Variants in CPAP observed in about 807,000 individuals in gnomAD.
The protein encoded by CPAP is centrosomal P4.1-associated protein.
At chr13:24,931,895 T>G in the CPAP span, among the ~76,000 whole-genome samples, 1 of 152,188 alleles carries the variant, frequency 6.6e-6, no homozygotes, top group Admixed American at 6.5e-5. Flanking sequence ...AGCTTTGGAT[T>G]TATCCTCATT....
At chr13:24,884,257 C>A in the CPAP span, 144 of 1,614,020 alleles carry the variant, frequency 8.9e-5, no homozygotes, top group South Asian at 1.5e-3. Context: ...TGTAAAGACA[C>A]ACAGTCAGTC....
At chr13:24,899,574 C>A in the CPAP span, 5 of 1,613,212 alleles carry the variant, frequency 3.1e-6, no homozygotes, top group African/African-American at 1.3e-5. Context: ...TCGAAGTCTG[C>A]AATTTCTTTC....
the CPAP span, chr13:24,933,454 T>C: frequency 4.4e-5 from 10 of 224,796 alleles, no homozygotes; most frequent in South Asian, 3.6e-4. Flanking sequence ...AAAAAAGTCA[T>C]AGTGCACAGG....
the CPAP span, among the ~76,000 whole-genome samples, chr13:24,925,203 G>A: frequency 2.0e-5 from 3 of 152,056 alleles, no homozygotes; most frequent in Non-Finnish European, 4.4e-5. Flanking sequence ...TCTCTAACTC[G>A]TAGGCTCAAG....
the CPAP span, among the ~76,000 whole-genome samples, chr13:24,915,532 A>G: frequency 0.6 from 91,508 of 152,058 alleles, 28,537 homozygotes; most frequent in East Asian, 0.72. Context: ...GGCTGGGCGC[A>G]GTGGCTCACG....
the CPAP span, among the ~76,000 whole-genome samples, chr13:24,883,699 T>A: frequency 6.6e-6 from 1 of 152,208 alleles, no homozygotes; most frequent in South Asian, 2.1e-4. Flanking sequence ...TTGCTCTGTA[T>A]CAGGTGGGGA....
the CPAP span, chr13:24,886,327 G>C: frequency 9.3e-6 from 12 of 1,289,164 alleles, no homozygotes; most frequent in African/African-American, 9.1e-5. Context: ...TGAAGGAGGA[G>C]AGCGGAGGCA....
the CPAP span, chr13:24,909,669 G>A: frequency 1.1e-6 from 1 of 920,932 alleles, no homozygotes; most frequent in Non-Finnish European, 1.7e-6. Context: ...TCCAGCCTGA[G>A]CAACACGGCA....
chr13:24,890,521 CTT>C, the CPAP span, among the ~76,000 whole-genome samples: 1 of 152,222 alleles, frequency 6.6e-6, no homozygotes, highest in Non-Finnish European at 1.5e-5. Context: ...AGCAGGCACT[CTT>C]GTCACACACA....
At chr13:24,905,576 G>A in the CPAP span, 768 of 1,614,134 alleles carry the variant, frequency 4.8e-4, 4 homozygotes, top group East Asian at 0.014. Context: ...TGTCTGCGGC[G>A]TCCCATAAGT....
At chr13:24,931,896 T>C in the CPAP span, among the ~76,000 whole-genome samples, 3 of 152,224 alleles carry the variant, frequency 2.0e-5, no homozygotes, top group Admixed American at 1.3e-4. Context: ...GCTTTGGATT[T>C]ATCCTCATTG....
chr13:24,887,059 G>A, the CPAP span, among the ~76,000 whole-genome samples: 1 of 152,164 alleles, frequency 6.6e-6, no homozygotes, highest in Non-Finnish European at 1.5e-5. Context: ...GGAAGCTAGG[G>A]AATACACAGT....
chr13:24,913,874 CACTGTGTGATAG>C, the CPAP span, among the ~76,000 whole-genome samples: 2 of 152,214 alleles, frequency 1.3e-5, no homozygotes, highest in African/African-American at 2.4e-5. Flanking sequence ...TGTAACTTTG[CACTGTGTGATAG>C]ATATACTTAA....
chr13:24,898,481 C>T, the CPAP span, among the ~76,000 whole-genome samples: 8 of 152,206 alleles, frequency 5.3e-5, no homozygotes, highest in Admixed American at 5.2e-4. Flanking sequence ...AGGAATTTCA[C>T]CACCCATCTT....
chr13:24,911,793 G>A, the CPAP span, among the ~76,000 whole-genome samples: 3 of 151,432 alleles, frequency 2.0e-5, no homozygotes, highest in South Asian at 2.1e-4. Flanking sequence ...TGTTCCAGTT[G>A]TATTACAACT....
At chr13:24,933,139 T>C in the CPAP span, 1 of 1,554,622 alleles carries the variant, frequency 6.4e-7, no homozygotes, top group Non-Finnish European at 8.9e-7. Flanking sequence ...TCCTCAGGTA[T>C]TTCCAAATGT....
At chr13:24,885,417 A>T in the CPAP span, 1 of 1,476,440 alleles carries the variant, frequency 6.8e-7, no homozygotes, top group South Asian at 1.1e-5. Flanking sequence ...AAGCAGCTAA[A>T]ACCTACTCTT....
At chr13:24,925,825 C>T in the CPAP span, 9 of 152,664 alleles carry the variant, frequency 5.9e-5, no homozygotes, top group Admixed American at 5.2e-4. Flanking sequence ...GGGAATTTAT[C>T]GTAAATAGGC....
the CPAP span, chr13:24,892,636 T>C: frequency 0.82 from 1,313,533 of 1,611,198 alleles, 538,374 homozygotes; most frequent in East Asian, 0.86. Flanking sequence ...CCCGCCTCCC[T>C]GCCTACCGCA....
Sources: allele counts gnomAD v4.1 joint callset (sites outside exome capture counted in the v4.1 genomes callset), GRCh38; gene constraint gnomAD v4.1.1; transcripts MANE v1.5; gene names NCBI Gene and HGNC (gene_info 2026-07-23, HGNC 2026-07-21).